KCNQ1: variants seen among roughly 807,000 people sequenced by gnomAD.
The protein encoded by KCNQ1 is potassium voltage-gated channel subfamily Q member 1.
A neutral mutation model predicts 72.4 loss-of-function variants in KCNQ1; 49 were observed. The observed-to-expected ratio is 0.68, with a 90% CI of 0.54 to 0.86. The LOEUF is 0.86. Among genes scored for constraint, KCNQ1 ranks in the 40% least tolerant of loss-of-function variants. KCNQ1 has a pLI of 0.00. For synonymous variants in KCNQ1, 450 were observed against 412.6 expected (o/e 1.09, Z -1.10); for missense variants, 790 against 945.1 (o/e 0.84, Z 2.15).
At chr11:2,672,399 G>A (rs1850202113) in intron 11 of KCNQ1, 2 of 398,336 alleles carry the variant, frequency 5.0e-6, no homozygotes, top group South Asian at 1.3e-4. Context: ...GCTGGTATGG[G>A]TTAGGGGATG....
chr11:2,719,052 G>A (rs1197964999), intron 11 of KCNQ1, among the ~76,000 whole-genome samples: 2 of 152,240 alleles, frequency 1.3e-5, no homozygotes, highest in African/African-American at 4.8e-5. Flanking sequence ...TCCCGCCCCT[G>A]AGTGTGTGCT....
intron 1 of KCNQ1, among the ~76,000 whole-genome samples, chr11:2,459,598 G>A (rs1431550154): frequency 6.6e-6 from 1 of 152,156 alleles, no homozygotes; most frequent in East Asian, 1.9e-4. Flanking sequence ...AGCCAACCGG[G>A]CAGGGACAAG....
rs1850413479 is a variant in KCNQ1, at chr11:2,682,402, G to A, written c.1514+20321G>A. On this transcript the variant is annotated intron_variant, in intron 11 of 15. Transcript: ENST00000155840. The surrounding 1 kb of genome is among the most constrained non-coding windows in gnomAD (Gnocchi z 5.8). ...AGGAGCATGAGGGTATAGGCTGGCT[G>A]TTTCTATTCAGTGTTTTATCTTCAG... is the stretch of plus-strand genomic sequence containing the variant. 7.5e-6 allele frequency: 3 copies of A among 398,530 alleles called. No individual in the cohort carries two copies. The highest frequency in any genetic ancestry group is 4.4e-5 in the Admixed American group (1 of 22,720). 24.7% of individuals were successfully genotyped at this position (398,530 alleles called of 1,614,324 possible). A position where few individuals can be genotyped will look rare whatever the true frequency, so the allele number is the denominator to read the frequency against.
Position 2,682,708 on chromosome 11 carries a change from T to C in KCNQ1, c.1514+20627T>C, listed in dbSNP as rs913695470. 5.0e-6 allele frequency: 2 copies of C among 398,428 alleles called. No individual in the cohort carries two copies. The highest frequency in any genetic ancestry group is 4.1e-5 in the African/African-American group (2 of 48,604). 24.7% of individuals were successfully genotyped at this position (398,428 alleles called of 1,614,324 possible). A position where few individuals can be genotyped will look rare whatever the true frequency, so the allele number is the denominator to read the frequency against. ...CTGGGGTCCAAAGTTGACCAGAATA[T>C]CTCTAGTCATAAAGAATCTCTTCCC... On this transcript the variant is annotated intron_variant, in intron 11 of 15. Transcript: ENST00000155840. This position sits in a 1 kb window ranked among gnomAD's most constrained non-coding sequence, Gnocchi z 5.8.
At chr11:2,692,492 G>A in intron 11 of KCNQ1, 1 of 398,718 alleles carries the variant, frequency 2.5e-6, no homozygotes, top group South Asian at 1.3e-4. Context: ...TCAGATGCTT[G>A]GCTTCTTTCC....
intron 11 of KCNQ1, chr11:2,689,001 G>T: frequency 5.0e-6 from 2 of 398,744 alleles, no homozygotes; most frequent in Admixed American, 8.8e-5. Context: ...GAGCCTGCAG[G>T]TCCCTGGGTT....
intron 11 of KCNQ1, chr11:2,666,587 G>C: frequency 2.5e-6 from 1 of 398,660 alleles, no homozygotes; most frequent in Non-Finnish European, 4.4e-6. Context: ...GGGCCAGTCT[G>C]TGCTGTCTGG....
At chr11:2,825,204 C>T (rs1012977385) in intron 15 of KCNQ1, among the ~76,000 whole-genome samples, 8 of 152,222 alleles carry the variant, frequency 5.3e-5, no homozygotes, top group African/African-American at 1.4e-4. Context: ...CCGGCTTCCC[C>T]GACCCTGCTG....
chr11:2,800,585 A>G (rs1471019925), intron 15 of KCNQ1, among the ~76,000 whole-genome samples: 1 of 152,236 alleles, frequency 6.6e-6, no homozygotes, highest in Non-Finnish European at 1.5e-5. Flanking sequence ...GGTGGCGTTT[A>G]CAGAACCGGG....
rs1849899003 is a variant in KCNQ1 at position 2,658,828 on chromosome 11, T to C, written c.1394-3133T>C. 1 of 398,486 alleles carries C rather than the reference T, an allele frequency of 2.5e-6. No homozygotes were observed. The highest frequency in any genetic ancestry group is 4.4e-6 in the Non-Finnish European group (1 of 226,046). The allele number at this position is 398,486 out of a possible 1,614,324, so 24.7% of individuals were successfully genotyped here. On this transcript the variant is annotated intron_variant, in intron 10 of 15. Coordinates refer to ENST00000155840, the MANE Select transcript of KCNQ1 (RefSeq NM_000218.3). This position sits in a 1 kb window ranked among gnomAD's most constrained non-coding sequence, Gnocchi z 4.9. Reference sequence around the variant, plus strand: ...CCCACAACTTATTTATAGCTTTTTCTCTGACAGCTAGAAACCTGGCTCCCA... The same window carrying C: ...CCCACAACTTATTTATAGCTTTTTCCCTGACAGCTAGAAACCTGGCTCCCA...
chr11:2,667,995 G>C (rs1029279825), intron 11 of KCNQ1: 1 of 398,560 alleles, frequency 2.5e-6, no homozygotes, highest in Non-Finnish European at 4.4e-6. Context: ...CACTGACCTT[G>C]AGATTAACCA....
At position 2,543,303 on chromosome 11, in the gene KCNQ1, C is replaced by A. The variant is rs902556777; in HGVS notation, c.477+15285C>A. ...CTTTTTTTTTTGTTTGAGACTGGGT[C>A]ATGCACTGTGCTCAGGCTGGAGTGC... On this transcript the variant is annotated intron_variant, in intron 2 of 15. Transcript: ENST00000155840. The surrounding 1 kb of genome is among the most constrained non-coding windows in gnomAD (Gnocchi z 5.6). Among the ~76,000 whole-genome samples, 18 of 151,882 alleles carry A rather than the reference C, an allele frequency of 1.2e-4. No individual in the cohort carries two copies. Among genetic ancestry groups the A allele is most frequent in the African/African-American group, 4.1e-4 (17 of 41,344 alleles).
In KCNQ1 at chr11:2,635,698, GT is replaced by G. The variant is rs922889143; in HGVS notation, c.1394-26256del. The G allele has an allele frequency of 3.7e-3, 561 of 152,212 alleles. 6 individuals carry two copies. The highest frequency in any genetic ancestry group is 0.013 in the African/African-American group (531 of 41,528). 9.4% of individuals were successfully genotyped at this position (152,212 alleles called of 1,614,324 possible). A position where few individuals can be genotyped will look rare whatever the true frequency, so the allele number is the denominator to read the frequency against. On this transcript the variant is annotated intron_variant, in intron 10 of 15. Transcript: ENST00000155840. ...TTGGTTCCATATGAACTTTAAAGTA[GT>G]TTTTTTCCAATTCTGTGAAGAAAGT... is the stretch of plus-strand genomic sequence containing the variant.
intron 7 of KCNQ1, among the ~76,000 whole-genome samples, chr11:2,584,438 CGTTA>C (rs977633336): frequency 6.3e-5 from 9 of 143,174 alleles, no homozygotes; most frequent in Middle Eastern, 3.8e-3. Context: ...TGTTAGTGTG[CGTTA>C]GTTTGTGTTT....
rs943709720 is a variant in KCNQ1, at chr11:2,769,549, G to A, written c.1590+630G>A. Among the ~76,000 whole-genome samples, 12 of 152,206 alleles carry A rather than the reference G, an allele frequency of 7.9e-5. No individual in the cohort carries two copies. Among genetic ancestry groups the A allele is most frequent in the African/African-American group, 1.4e-4 (6 of 41,454 alleles). ...TTAGAGCCCCCAGAGTCCATGCCCCGCAGAGAATGCCATTGATGGCAGGCA... is the reference window on the plus strand; with the variant it reads ...TTAGAGCCCCCAGAGTCCATGCCCCACAGAGAATGCCATTGATGGCAGGCA... On this transcript the variant is annotated intron_variant, in intron 12 of 15. Coordinates refer to ENST00000155840, the MANE Select transcript of KCNQ1 (RefSeq NM_000218.3). The surrounding 1 kb of genome is among the most constrained non-coding windows in gnomAD (Gnocchi z 4.6).
chr11:2,701,837 G>A (rs1327071870), intron 11 of KCNQ1, among the ~76,000 whole-genome samples: 5 of 152,186 alleles, frequency 3.3e-5, no homozygotes, highest in Admixed American at 3.3e-4. Context: ...CCTGACCCTG[G>A]CCTGGACTCT....
At position 2,661,895 on chromosome 11, in the gene KCNQ1, C is replaced by A; in HGVS notation, c.1394-66C>A. 6.2e-7 allele frequency: 1 copy of A among 1,608,568 alleles called. No individual in the cohort carries two copies. Among genetic ancestry groups the A allele is most frequent in the Non-Finnish European group, 8.5e-7 (1 of 1,175,598 alleles). On this transcript the variant is annotated intron_variant, in intron 10 of 15. Transcript: ENST00000155840. This position sits in a 1 kb window ranked among gnomAD's most constrained non-coding sequence, Gnocchi z 5.9. The stretch of plus-strand genomic sequence containing the variant: ...CACCTGGCCCTGGGAGCTCACAGGC[C>A]TGGCTCCACAGCACTGGCAGGTTGG...
At position 2,682,397 on chromosome 11, in the gene KCNQ1, T is replaced by G. The variant is rs926798879; in HGVS notation, c.1514+20316T>G. ...ATTCAAGGAGCATGAGGGTATAGGC[T>G]GGCTGTTTCTATTCAGTGTTTTATC... On this transcript the variant is annotated intron_variant, in intron 11 of 15. Transcript: ENST00000155840. The surrounding 1 kb of genome is among the most constrained non-coding windows in gnomAD (Gnocchi z 5.8). 1.0e-5 allele frequency: 4 copies of G among 398,580 alleles called. No individual in the cohort carries two copies. The highest frequency in any genetic ancestry group is 1.8e-5 in the Non-Finnish European group (4 of 226,100). The allele number at this position is 398,580 out of a possible 1,614,324, so 24.7% of individuals were successfully genotyped here.
intron 5 of KCNQ1, 116 bp from the exon 6 acceptor site, chr11:2,572,730 C>T (rs913078625): frequency 6.4e-5 from 88 of 1,374,840 alleles, no homozygotes; most frequent in Admixed American, 4.9e-4. Flanking sequence ...ATGTGAACCG[C>T]GCTGGAGCGG....
Sources: allele counts gnomAD v4.1 joint callset (sites outside exome capture counted in the v4.1 genomes callset), GRCh38; gene constraint gnomAD v4.1.1; non-coding constraint Gnocchi (gnomAD v3.1); transcripts MANE v1.5; gene names NCBI Gene and HGNC (gene_info 2026-07-23, HGNC 2026-07-21).